The following MYO3B variants were observed in gnomAD, a reference collection of about 807,000 sequenced individuals.
MYO3B encodes myosin IIIB, also known as myosin-IIIb.
In MYO3B, 156 loss-of-function variants were observed where a neutral mutation model predicts 174.6. That is an observed-to-expected ratio of 0.89 (90% CI 0.78 to 1.02). MYO3B has a LOEUF of 1.02. Ranked by LOEUF, MYO3B falls within the 50% of genes least tolerant of loss-of-function variation. The pLI, the probability that MYO3B is intolerant of heterozygous loss-of-function variation, is 0.00. For synonymous variants in MYO3B, 563 were observed against 569.1 expected, an observed-to-expected ratio of 0.99 and a Z score of 0.15; for missense variants, 1,632 against 1,639.4, an observed-to-expected ratio of 1.00 and a Z score of 0.08.
intron 32 of MYO3B, among the ~76,000 whole-genome samples, chr2:170,629,840 ACT>A (rs1491281520): frequency 2.0e-5 from 3 of 152,260 alleles, no homozygotes; most frequent in Non-Finnish European, 4.4e-5. Context: ...ACAGAGCGAG[ACT>A]CTATCTAAAA....
intron 32 of MYO3B, among the ~76,000 whole-genome samples, chr2:170,582,558 A>C (rs1693221855): frequency 6.6e-6 from 1 of 152,120 alleles, no homozygotes; most frequent in African/African-American, 2.4e-5. Context: ...CTTGTTCTCC[A>C]AAGCAGGAAG....
chr2:170,229,653 A>T (rs2092992939), intron 6 of MYO3B, among the ~76,000 whole-genome samples: 1 of 152,244 alleles, frequency 6.6e-6, no homozygotes, highest in Non-Finnish European at 1.5e-5. Flanking sequence ...TCAGCCCAGC[A>T]GCTCTCTGAC....
chr2:170,267,428 A>G (rs1377976778), intron 7 of MYO3B, among the ~76,000 whole-genome samples: 1 of 152,236 alleles, frequency 6.6e-6, no homozygotes, highest in African/African-American at 2.4e-5. Flanking sequence ...GTGCAGAAGG[A>G]AAGAGAATTG....
At chr2:170,276,697 C>T (rs906474211) in intron 7 of MYO3B, among the ~76,000 whole-genome samples, 20 of 152,102 alleles carry the variant, frequency 1.3e-4, no homozygotes, top group African/African-American at 4.8e-4. Context: ...TAATTTAATG[C>T]CTGCCTAATA....
At chr2:170,634,483 G>GACTT (rs200050839) in intron 32 of MYO3B, among the ~76,000 whole-genome samples, 34,766 of 151,914 alleles carry the variant, frequency 0.23, 5,057 homozygotes, top group East Asian at 0.45. Context: ...ATGGATTAAA[G>GACTT]ACTTACATGT....
chr2:170,480,897 A>G (rs1442921885), intron 25 of MYO3B, among the ~76,000 whole-genome samples: 1 of 152,210 alleles, frequency 6.6e-6, no homozygotes, highest in Non-Finnish European at 1.5e-5. Context: ...TTTTAAGCCT[A>G]CAACACATCC....
At chr2:170,333,261 A>G (rs551815313) in intron 7 of MYO3B, among the ~76,000 whole-genome samples, 2 of 152,222 alleles carry the variant, frequency 1.3e-5, no homozygotes, top group Non-Finnish European at 2.9e-5. Context: ...AGCCACAGGC[A>G]GTAAGAACTG....
intron 30 of MYO3B, among the ~76,000 whole-genome samples, chr2:170,536,956 C>G (rs1016024023): frequency 1.3e-5 from 2 of 151,938 alleles, no homozygotes; most frequent in African/African-American, 4.8e-5. Context: ...AATCCCAGCA[C>G]TTTGGGAGTC....
chr2:170,376,877 T>C (rs1398542421), intron 9 of MYO3B, among the ~76,000 whole-genome samples: 1 of 152,214 alleles, frequency 6.6e-6, no homozygotes, highest in African/African-American at 2.4e-5. Context: ...GCTGAATTGA[T>C]AAGCTAGAAG....
At chr2:170,408,033 T>C (rs1558971967) in intron 22 of MYO3B, among the ~76,000 whole-genome samples, 189 bp downstream of exon 22, 2 of 152,258 alleles carry the variant, frequency 1.3e-5, no homozygotes, top group South Asian at 2.1e-4. Context: ...GCAGCATCCG[T>C]GTGTACACAG....
chr2:170,632,660 CA>C (rs569409930), intron 32 of MYO3B, among the ~76,000 whole-genome samples: 4 of 152,004 alleles, frequency 2.6e-5, no homozygotes, highest in African/African-American at 7.2e-5. Flanking sequence ...GATAGAGACA[CA>C]AAAAACCCTT....
At chr2:170,531,190 G>T (rs1159956906) in intron 30 of MYO3B, among the ~76,000 whole-genome samples, 2 of 152,224 alleles carry the variant, frequency 1.3e-5, no homozygotes, top group Admixed American at 6.5e-5. Context: ...AGTACCTGGA[G>T]TGATGACAGA....
At chr2:170,349,055 A>G (rs773701819) in intron 8 of MYO3B, among the ~76,000 whole-genome samples, 16 of 152,186 alleles carry the variant, frequency 1.1e-4, no homozygotes, top group Non-Finnish European at 2.2e-4. Flanking sequence ...TGCCCTACTC[A>G]TAATTATTCT....
intron 23 of MYO3B, among the ~76,000 whole-genome samples, chr2:170,459,012 C>T (rs528124217): frequency 6.6e-6 from 1 of 152,134 alleles, no homozygotes; most frequent in Admixed American, 6.5e-5. Flanking sequence ...TTCCTCCCGT[C>T]CGGAGTTGTT....
intron 25 of MYO3B, among the ~76,000 whole-genome samples, chr2:170,470,123 A>G (rs951110031): frequency 2.6e-5 from 4 of 151,112 alleles, no homozygotes; most frequent in South Asian, 2.1e-4. Flanking sequence ...AAAAAAAAAA[A>G]AAAAAAAGAA....
chr2:170,235,589 C>G (rs2093061104), intron 6 of MYO3B, among the ~76,000 whole-genome samples: 1 of 152,176 alleles, frequency 6.6e-6, no homozygotes, highest in African/African-American at 2.4e-5. Flanking sequence ...TCATGCATCT[C>G]AAAGTACACA....
chr2:170,622,070 G>A (rs1695966371), intron 32 of MYO3B, among the ~76,000 whole-genome samples: 1 of 151,904 alleles, frequency 6.6e-6, no homozygotes, highest in African/African-American at 2.4e-5. Flanking sequence ...CCTTTAAATC[G>A]GCTCCACCCT....
chr2:170,427,244 G>A (rs958660019), intron 22 of MYO3B, among the ~76,000 whole-genome samples: 1 of 152,008 alleles, frequency 6.6e-6, no homozygotes, highest in African/African-American at 2.4e-5. Context: ...ATCTTTGTTG[G>A]CCTTTATTCT....
rs564173007 is a variant in MYO3B, at chr2:170,232,798, C to T, written c.604-3193C>T. On this transcript the variant is annotated intron_variant, in intron 6 of 34. Transcript: ENST00000408978. ...CTATCATGCCAGACTAATGAGTACT[C>T]AATAATTATTTGTGAATTATTTTAT... Among the ~76,000 whole-genome samples the T allele has an allele frequency of 3.3e-5, 5 of 152,276 alleles. No homozygotes were observed. The East Asian group carries it at 9.6e-4, about 29-fold the overall frequency.
Sources: allele counts gnomAD v4.1 joint callset (sites outside exome capture counted in the v4.1 genomes callset), GRCh38; gene constraint gnomAD v4.1.1; transcripts MANE v1.5; gene names NCBI Gene and HGNC (gene_info 2026-07-23, HGNC 2026-07-21).